PEAR1: variants seen among roughly 807,000 people sequenced by gnomAD.
The protein encoded by PEAR1 is platelet endothelial aggregation receptor 1.
Under a neutral mutation model 131.2 loss-of-function variants are expected in PEAR1, and 113 were observed. The ratio of observed to expected loss-of-function variants is 0.86; its 90% CI spans 0.74 to 1.01. The LOEUF (loss-of-function observed/expected upper bound fraction) is 1.01. Among genes scored for constraint, PEAR1 ranks in the 50% least tolerant of loss-of-function variants. The pLI is 0.00. For missense variants in PEAR1, 1,408 were observed against 1,391.1 expected (o/e 1.01, Z -0.19); for synonymous variants, 565 against 523.3 (o/e 1.08, Z -1.09).
rs1392493083 is a variant in PEAR1 at position 156,916,155 on chromosome 1, G to A, written c.*1357G>A. On this transcript the variant is annotated 3_prime_UTR_variant, in exon 23 of 23. Transcript: ENST00000292357. ...AAATTGAAGGTTTTGGGACATATAT[G>A]TGACAGCAATAGGTTAAGAAAAGCA... 2 of 152,218 alleles carry A rather than the reference G, an allele frequency of 1.3e-5. No homozygotes were observed. Among genetic ancestry groups the A allele is most frequent in the African/African-American group, 4.8e-5 (2 of 41,448 alleles). The allele number at this position is 152,218 out of a possible 1,614,324, so 9.4% of individuals were successfully genotyped here.
intron 15 of PEAR1, among the ~76,000 whole-genome samples, chr1:156,911,035 C>CTT (rs1226247019): frequency 3.2e-5 from 4 of 123,902 alleles, no homozygotes; most frequent in African/African-American, 9.7e-5. Flanking sequence ...CTCTTGATTT[C>CTT]TTTTTCTTTC....
Position 156,906,328 on chromosome 1 carries a change from C to A in PEAR1, c.360C>A (p.Cys120Ter), listed in dbSNP as rs1650295493. The A allele has an allele frequency of 1.2e-6, 2 of 1,614,066 alleles. No individual in the cohort carries two copies. The highest frequency in any genetic ancestry group is 2.7e-5 in the African/African-American group (2 of 74,916). The change falls in exon 5 of 23, where the codon TGC becomes TGA. Residue 120 changes from cysteine (C) to a stop codon, truncating the protein, a stop_gained. Transcript: ENST00000292357. LOFTEE classifies it high-confidence loss of function. ...GCCGTTGTGTGGCACCCAATCAGTGCCAATGTGTGCCAGGCTGGCGGGGCG... is the reference window on the plus strand; with the variant it reads ...GCCGTTGTGTGGCACCCAATCAGTGACAATGTGTGCCAGGCTGGCGGGGCG... ...VHGRCVAPNQ[C>*]QCVPGWRGDD...
Position 156,909,757 on chromosome 1 carries a change from A to G in PEAR1, c.1418A>G (p.Gln473Arg), listed in dbSNP as rs755115888. 6 of 1,601,138 alleles carry G rather than the reference A, an allele frequency of 3.7e-6. No individual in the cohort carries two copies. The highest frequency in any genetic ancestry group is 1.7e-5 in the Admixed American group (1 of 59,286). Residue 473 changes from glutamine (Q) to arginine (R), a missense_variant, in exon 12 of 23, where the codon CAG (glutamine) becomes CGG (arginine). Physicochemically the swap from Gln to Arg is conservative, Grantham distance 43. Transcript: ENST00000292357. ...TACCAGGCCCCTCCTCCAGGTTGGC[A>G]GCGTGGTAACTGCTCTGTGCCCTGC... ...DGECVCKEGW[Q>R]RGNCSVPCPP...
At position 156,912,778 on chromosome 1, in the gene PEAR1, G is replaced by T. The variant is rs778763414; in HGVS notation, c.2218G>T (p.Glu740Ter). The change falls in exon 18 of 23, where the codon GAG (glutamate) becomes TAG (stop). Residue 740 changes from glutamate (E) to a stop codon, truncating the protein, a stop_gained. Transcript: ENST00000292357. LOFTEE classifies it high-confidence loss of function. Reference sequence around the variant, plus strand: ...CACCCCATTCCACACAGGAATCCAGGAGCCCTTTACTGTGATGCCGACCAC... The same window carrying T: ...CACCCCATTCCACACAGGAATCCAGTAGCCCTTTACTGTGATGCCGACCAC... ...SGAPCRIGIQ[E>*]PFTVMPTTPV... 6.2e-7 allele frequency: 1 copy of T among 1,614,124 alleles called. No homozygotes were observed. Among genetic ancestry groups the T allele is most frequent in the South Asian group, 1.1e-5 (1 of 91,076 alleles).
chr1:156,904,042 G>A lies in PEAR1; in HGVS notation c.101+15G>A. ...TTCTGGGAAAGGTGAGAGGGCCCCT[G>A]CTGCACCTTGAGGGCACCAAGCCCT... On this transcript the variant is annotated intron_variant, in intron 2 of 22. Transcript: ENST00000292357. 6.2e-7 allele frequency: 1 copy of A among 1,604,936 alleles called. No individual in the cohort carries two copies. Among genetic ancestry groups the A allele is most frequent in the South Asian group, 1.1e-5 (1 of 90,898 alleles).
rs1449560655 is a variant in PEAR1, at chr1:156,911,093, CCTTT to C, written c.1951+363_1951+366del. ...TCTTTCTTTCTTTCTTTCTTTCTTT[CCTTT>C]CTTTCTTTCTTTTCTTTCTTCTTTC... is the stretch of plus-strand genomic sequence containing the variant. On this transcript the variant is annotated intron_variant, in intron 15 of 22. Coordinates refer to ENST00000292357, the MANE Select transcript of PEAR1 (RefSeq NM_001080471.3). Among the ~76,000 whole-genome samples the C allele has an allele frequency of 2.8e-3, 207 of 74,108 alleles. 3 individuals are homozygous for C. Among genetic ancestry groups the C allele is most frequent in the South Asian group, 6.9e-3 (14 of 2,022 alleles). The allele number at this position is 74,108 out of a possible 152,430, so 48.6% of individuals were successfully genotyped here.
At position 156,903,906 on chromosome 1, in the gene PEAR1, G is replaced by A. The variant is rs897102435; in HGVS notation, c.-9-12G>A. ...CAGCGCCACTGCCCACTCTGCGCCG[G>A]TCTTGCTGCAGGCCTCTGCAATGTC... On this transcript the variant is annotated splice_polypyrimidine_tract_variant and intron_variant, in intron 1 of 22. Transcript: ENST00000292357. The A allele has an allele frequency of 6.2e-7, 1 of 1,608,002 alleles. No homozygotes were observed. The highest frequency in any genetic ancestry group is 8.5e-7 in the Non-Finnish European group (1 of 1,175,364).
intron 1 of PEAR1, among the ~76,000 whole-genome samples, chr1:156,899,837 G>A (rs1416545614): frequency 6.6e-6 from 1 of 152,156 alleles, no homozygotes; most frequent in African/African-American, 2.4e-5. Context: ...GGGGTGCAGA[G>A]GTGAGGGGTT....
intron 4 of PEAR1, among the ~76,000 whole-genome samples, chr1:156,905,787 C>G (rs559337087): frequency 1.3e-3 from 200 of 152,248 alleles, no homozygotes; most frequent in African/African-American, 4.6e-3. Flanking sequence ...GCCTCTGTCT[C>G]TTCCTCTCCC....
Position 156,915,143 on chromosome 1 carries a change from G to T in PEAR1, c.*345G>T. On this transcript the variant is annotated 3_prime_UTR_variant, in exon 23 of 23. Transcript: ENST00000292357. ...CTCAGCCTGGGCTCTGTGCGTGTGT[G>T]TGTTTCTGTGATTTTAGAAGGGTAC... 1 of 213,920 alleles carries T rather than the reference G, an allele frequency of 4.7e-6. No individual in the cohort carries two copies. The highest frequency in any genetic ancestry group is 9.1e-6 in the Non-Finnish European group (1 of 109,918). The allele number at this position is 213,920 out of a possible 1,614,324, so 13.3% of individuals were successfully genotyped here. A position where few individuals can be genotyped will look rare whatever the true frequency, so the allele number is the denominator to read the frequency against.
Position 156,915,750 on chromosome 1 carries a change from T to C in PEAR1, c.*952T>C, listed in dbSNP as rs1651806693. ...TTAATCTCTGCCTCCCCCACTAGAC[T>C]GTAAGCTCCCTGAAGGCAAGAATCC... On this transcript the variant is annotated 3_prime_UTR_variant, in exon 23 of 23. Coordinates refer to ENST00000292357, the MANE Select transcript of PEAR1 (RefSeq NM_001080471.3). 6.6e-6 allele frequency: 1 copy of C among 152,252 alleles called. No individual in the cohort carries two copies. Among genetic ancestry groups the C allele is most frequent in the Non-Finnish European group, 1.5e-5 (1 of 68,066 alleles). The allele number at this position is 152,252 out of a possible 1,614,324, so 9.4% of individuals were successfully genotyped here.
In PEAR1 at chr1:156,910,006, A is replaced by T; in HGVS notation, c.1576A>T (p.Lys526Ter). Residue 526 changes from lysine (K) to a stop codon, truncating the protein, a stop_gained and splice_region_variant, in exon 13 of 23, where the codon AAG (lysine) becomes TAG (stop). Coordinates refer to ENST00000292357, the MANE Select transcript of PEAR1 (RefSeq NM_001080471.3). LOFTEE classifies it high-confidence loss of function. ...ACCTGCTCCCCACTCCTTCTCCAAGAAGGGGCAGTTTGGAGAAGGTTGTGC... is the reference window on the plus strand; with the variant it reads ...ACCTGCTCCCCACTCCTTCTCCAAGTAGGGGCAGTTTGGAGAAGGTTGTGC... Reference protein sequence around the residue: ...HGAHCQLPCPKGQFGEGCASR... With the variant: ...HGAHCQLPCP 6.2e-7 allele frequency: 1 copy of T among 1,613,546 alleles called. No homozygotes were observed. The highest frequency in any genetic ancestry group is 8.5e-7 in the Non-Finnish European group (1 of 1,180,008).
intron 15 of PEAR1, among the ~76,000 whole-genome samples, chr1:156,911,175 CTT>C (rs758681954): frequency 1.8e-5 from 2 of 108,870 alleles, no homozygotes; most frequent in South Asian, 3.4e-4. Context: ...TCTTTCCTTT[CTT>C]TTCTTTCTTC....
At chr1:156,901,442 C>T (rs936392506) in intron 1 of PEAR1, among the ~76,000 whole-genome samples, 3 of 152,224 alleles carry the variant, frequency 2.0e-5, no homozygotes, top group Non-Finnish European at 4.4e-5. Flanking sequence ...TTTCTCGGCC[C>T]AACAACAGCT....
Position 156,913,754 on chromosome 1 carries a change from A to C in PEAR1, c.2707A>C (p.Asn903His). The stretch of plus-strand genomic sequence containing the variant: ...CAGCAATGGCCCAGGCCCATTCTAC[A>C]ATAAAGGTATGGGCACAGGGGCAAC... ...SYSNGPGPFY[N>H]KGLISEEELG... Residue 903 changes from asparagine (N) to histidine (H), a missense_variant, in exon 21 of 23, where the codon AAT (asparagine) becomes CAT (histidine). Coordinates refer to ENST00000292357, the MANE Select transcript of PEAR1 (RefSeq NM_001080471.3). The C allele has an allele frequency of 1.2e-6, 2 of 1,613,692 alleles. No homozygotes were observed. The highest frequency in any genetic ancestry group is 1.7e-6 in the Non-Finnish European group (2 of 1,179,826).
intron 1 of PEAR1, 70 bp downstream of exon 1, chr1:156,893,907 G>A (rs1369237856): frequency 6.6e-6 from 1 of 152,326 alleles, no homozygotes; most frequent in Non-Finnish European, 1.5e-5. Context: ...CTGCCCCGGG[G>A]AAAGGGCTTG....
At chr1:156,895,990 G>A (rs1649122718) in intron 1 of PEAR1, among the ~76,000 whole-genome samples, 1 of 152,196 alleles carries the variant, frequency 6.6e-6, no homozygotes, top group African/African-American at 2.4e-5. Context: ...GCTGAGGTGG[G>A]AGGATCACTT....
At chr1:156,907,222 G>A (rs1190520077) in intron 6 of PEAR1, among the ~76,000 whole-genome samples, 2 of 152,244 alleles carry the variant, frequency 1.3e-5, no homozygotes, top group Non-Finnish European at 2.9e-5. Flanking sequence ...GGTGCAGGGG[G>A]AGCTGGGGAG....
intron 1 of PEAR1, among the ~76,000 whole-genome samples, chr1:156,896,129 T>C (rs1649137238): frequency 6.6e-6 from 1 of 152,204 alleles, no homozygotes; most frequent in Non-Finnish European, 1.5e-5. Flanking sequence ...GACATAGACC[T>C]GGCCCAAATC....
Sources: gnomAD v4.1 joint callset for allele counts (sites outside exome capture counted in the v4.1 genomes callset) on GRCh38, gnomAD v4.1.1 for gene constraint, MANE v1.5 for transcripts, NCBI Gene and HGNC (gene_info 2026-07-23, HGNC 2026-07-21) for gene names.